The following DGKI variants were observed in gnomAD, a reference collection of about 807,000 sequenced individuals.
DGKI encodes DAG kinase iota.
DGKI carries 55 observed loss-of-function variants against 147.5 expected under a neutral mutation model. That is an observed-to-expected ratio of 0.37 (90% CI 0.30 to 0.47). DGKI has a LOEUF of 0.47. DGKI is among the 20% of genes least tolerant of loss of function. The probability of loss-of-function intolerance (pLI) is 1.00; values close to 1 mark genes in which losing one functional copy is unlikely to be tolerated. For synonymous variants in DGKI, 469 were observed against 477.1 expected (o/e 0.98, Z 0.22); for missense variants, 1,007 against 1,323.8 (o/e 0.76, Z 3.71).
intron 3 of DGKI, among the ~76,000 whole-genome samples, chr7:137,666,568 A>C (rs547601715): frequency 4.6e-5 from 7 of 152,240 alleles, no homozygotes; most frequent in Non-Finnish European, 2.9e-5. Flanking sequence ...CAAATATTGC[A>C]GCCAGTCTTT....
At chr7:137,497,182 T>C (rs1351357685) in intron 21 of DGKI, among the ~76,000 whole-genome samples, 3 of 149,380 alleles carry the variant, frequency 2.0e-5, no homozygotes, top group African/African-American at 7.4e-5. Context: ...CAATCAATCA[T>C]AGAAAAAAAA....
At chr7:137,744,226 A>C (rs1007301636) in intron 1 of DGKI, among the ~76,000 whole-genome samples, 10 of 152,152 alleles carry the variant, frequency 6.6e-5, no homozygotes, top group African/African-American at 2.4e-4. Context: ...TCCCACAGAA[A>C]TACAAAAGAT....
intron 1 of DGKI, among the ~76,000 whole-genome samples, chr7:137,713,243 C>T (rs1794271047): frequency 6.6e-6 from 1 of 152,150 alleles, no homozygotes; most frequent in African/African-American, 2.4e-5. Context: ...TGCAGGACCC[C>T]TGCTCAAATA....
chr7:137,612,043 C>G (rs576917236), intron 8 of DGKI, among the ~76,000 whole-genome samples: 1 of 152,232 alleles, frequency 6.6e-6, no homozygotes, highest in South Asian at 2.1e-4. Context: ...ACGCATCAGG[C>G]TAAGATTGTT....
intron 27 of DGKI, among the ~76,000 whole-genome samples, chr7:137,461,947 G>A (rs1002857601): frequency 6.6e-6 from 1 of 151,628 alleles, no homozygotes; most frequent in Non-Finnish European, 1.5e-5. Context: ...TATATAAAGT[G>A]GTAAATTTAT....
intron 27 of DGKI, among the ~76,000 whole-genome samples, chr7:137,461,979 T>C (rs1814461707): frequency 6.6e-6 from 1 of 152,108 alleles, no homozygotes. Context: ...GGGAAGAATA[T>C]TTACTATCTT....
chr7:137,796,326 C>T (rs1349791497), intron 1 of DGKI, among the ~76,000 whole-genome samples: 5 of 152,086 alleles, frequency 3.3e-5, no homozygotes, highest in African/African-American at 1.2e-4. Flanking sequence ...GGCAAAACCC[C>T]ATCTCTACTA....
chr7:137,472,981 ACTATCT>A (rs1164477609), intron 23 of DGKI, among the ~76,000 whole-genome samples: 4 of 152,156 alleles, frequency 2.6e-5, no homozygotes, highest in African/African-American at 9.6e-5. Flanking sequence ...GATCCATCAC[ACTATCT>A]CTAGGCTATT....
At chr7:137,638,613 C>CATATATGTATATAT (rs1554446609) in intron 6 of DGKI, among the ~76,000 whole-genome samples, 5 of 15,742 alleles carry the variant, frequency 3.2e-4, no homozygotes, top group Non-Finnish European at 3.8e-4. Context: ...TATATATATA[C>CATATATGTATATAT]ACACACACAT....
At chr7:137,477,763 C>T (rs1815225485) in intron 23 of DGKI, among the ~76,000 whole-genome samples, 1 of 152,012 alleles carries the variant, frequency 6.6e-6, no homozygotes, top group South Asian at 2.1e-4. Flanking sequence ...CTCAAACAAT[C>T]CTCCCACCTC....
intron 28 of DGKI, among the ~76,000 whole-genome samples, chr7:137,420,691 T>C (rs1812532342): frequency 6.6e-6 from 1 of 152,108 alleles, no homozygotes; most frequent in Admixed American, 6.5e-5. Flanking sequence ...TTAAAAATTC[T>C]GTCTTAGGTG....
rs1288240040 is a variant in DGKI at position 137,678,709 on chromosome 7, T to C, written c.511-57A>G. On this transcript the variant is annotated intron_variant, in intron 2 of 32. Coordinates refer to ENST00000614521, the MANE Select transcript of DGKI (RefSeq NM_001321708.2). ...TTTTTTTTCCAGGGATAAGGAAAAC[T>C]ATTTCAAATTTAGATTTGGGATACA... 6 of 1,472,384 alleles carry C rather than the reference T, an allele frequency of 4.1e-6. No homozygotes were observed. The Admixed American group carries it at 1.0e-4, about 25-fold the overall frequency. The allele number at this position is 1,472,384 out of a possible 1,614,324, so 91.2% of individuals were successfully genotyped here.
intron 1 of DGKI, among the ~76,000 whole-genome samples, chr7:137,690,221 T>C (rs1823559419): frequency 6.6e-6 from 1 of 152,064 alleles, no homozygotes; most frequent in Non-Finnish European, 1.5e-5. Flanking sequence ...GGGACCACTG[T>C]GGGGAAATAG....
intron 28 of DGKI, among the ~76,000 whole-genome samples, chr7:137,440,823 T>C (rs1018139246): frequency 6.6e-6 from 1 of 152,230 alleles, no homozygotes; most frequent in African/African-American, 2.4e-5. Flanking sequence ...AAACAGTTTA[T>C]GTGTCATTTA....
At chr7:137,666,166 T>C (rs1822632890) in intron 3 of DGKI, among the ~76,000 whole-genome samples, 1 of 152,232 alleles carries the variant, frequency 6.6e-6, no homozygotes, top group African/African-American at 2.4e-5. Context: ...AATCACACTC[T>C]TAAATGGTTA....
Position 137,399,863 on chromosome 7 carries a change from T to C in DGKI, c.2921-2450A>G, listed in dbSNP as rs1310225976. On this transcript the variant is annotated intron_variant, in intron 30 of 32. Coordinates refer to ENST00000614521, the MANE Select transcript of DGKI (RefSeq NM_001321708.2). ...AGGCAGAGGTTGCAGTGAGCCAAGATTGTGCTCACTGCCTGGGTGACAGCC... is the reference window on the plus strand; with the variant it reads ...AGGCAGAGGTTGCAGTGAGCCAAGACTGTGCTCACTGCCTGGGTGACAGCC... Among the ~76,000 whole-genome samples, 5 of 151,316 alleles carry C rather than the reference T, an allele frequency of 3.3e-5. No homozygotes were observed. In the South Asian group the frequency reaches 6.3e-4, roughly 19 times the overall value.
intron 1 of DGKI, among the ~76,000 whole-genome samples, chr7:137,748,466 G>T (rs1563179787): frequency 6.6e-6 from 1 of 151,948 alleles, no homozygotes; most frequent in Non-Finnish European, 1.5e-5. Flanking sequence ...TAGAAAAAAG[G>T]TTTGAAGGAA....
intron 1 of DGKI, among the ~76,000 whole-genome samples, chr7:137,716,572 C>T (rs979577848): frequency 6.6e-6 from 1 of 152,184 alleles, no homozygotes; most frequent in Non-Finnish European, 1.5e-5. Flanking sequence ...TCTCAACGAT[C>T]TTTAAAAGTA....
chr7:137,472,027 T>A lies in DGKI; in HGVS notation c.2374-2408A>T, dbSNP rs1585146905. Among the ~76,000 whole-genome samples, 5 of 129,326 alleles carry A rather than the reference T, an allele frequency of 3.9e-5. No individual in the cohort carries two copies. In the Admixed American group the frequency reaches 4.6e-4, roughly 12 times the overall value. The allele number at this position is 129,326 out of a possible 152,430, so 84.8% of individuals were successfully genotyped here. ...TATACAGACATATATACATATATAT[T>A]ATATACACACTATATATGTATATAT... On this transcript the variant is annotated intron_variant, in intron 23 of 32. Coordinates refer to ENST00000614521, the MANE Select transcript of DGKI (RefSeq NM_001321708.2).
Sources: gnomAD v4.1 joint callset for allele counts (sites outside exome capture counted in the v4.1 genomes callset) on GRCh38, gnomAD v4.1.1 for gene constraint, MANE v1.5 for transcripts, NCBI Gene and HGNC (gene_info 2026-07-23, HGNC 2026-07-21) for gene names.